The following AK3 variants were observed in gnomAD, a reference collection of about 807,000 sequenced individuals.
AK3 encodes GTP:AMP phosphotransferase AK3, mitochondrial.
AK3 carries 27 observed loss-of-function variants against 23.7 expected under a neutral mutation model. The observed-to-expected ratio is 1.14, with a 90% CI of 0.84 to 1.57. The LOEUF (loss-of-function observed/expected upper bound fraction) is 1.57. Ranked by LOEUF, AK3 falls within the 40% of genes most tolerant of loss-of-function variation. AK3 has a pLI of 0.00. For synonymous variants in AK3, 159 were observed against 116.0 expected, an observed-to-expected ratio of 1.37 and a Z score of -2.38; for missense variants, 406 against 285.6, an observed-to-expected ratio of 1.42 and a Z score of -3.04.
chr9:4,740,084 A>C (rs1487429555), intron 1 of AK3, among the ~76,000 whole-genome samples: 1 of 149,158 alleles, frequency 6.7e-6, no homozygotes, highest in East Asian at 1.9e-4. Flanking sequence ...AAAAGAAGGA[A>C]AACAAAAGAA....
chr9:4,739,845 T>G (rs1445915098), intron 1 of AK3, among the ~76,000 whole-genome samples: 1 of 151,756 alleles, frequency 6.6e-6, no homozygotes, highest in South Asian at 2.1e-4. Flanking sequence ...ACAGGAGAAT[T>G]GCTTGAACCC....
At position 4,718,407 on chromosome 9, in the gene AK3, G is replaced by A. The variant is rs1841794686; in HGVS notation, c.563+12C>T. The stretch of plus-strand genomic sequence containing the variant: ...CACTACGCAAGAGAAGTTCTGAAAA[G>A]CAAAAACTCACTGGTAATATTCCAG... On this transcript the variant is annotated intron_variant, in intron 4 of 4. Transcript: ENST00000381809. The A allele has an allele frequency of 6.2e-7, 1 of 1,602,112 alleles. No individual in the cohort carries two copies. The highest frequency in any genetic ancestry group is 8.5e-7 in the Non-Finnish European group (1 of 1,170,912).
intron 1 of AK3, among the ~76,000 whole-genome samples, chr9:4,739,758 C>T (rs1842380747): frequency 6.6e-6 from 1 of 151,866 alleles, no homozygotes; most frequent in African/African-American, 2.4e-5. Context: ...AGTGAAACCC[C>T]ATCGCTACTA....
chr9:4,732,059 C>T (rs1051291002), intron 1 of AK3, among the ~76,000 whole-genome samples: 1 of 152,176 alleles, frequency 6.6e-6, no homozygotes, highest in African/African-American at 2.4e-5. Context: ...AAGTGATCCT[C>T]CCACCTCAAC....
chr9:4,723,570 C>A (rs1463442894), intron 1 of AK3, among the ~76,000 whole-genome samples: 1 of 152,152 alleles, frequency 6.6e-6, no homozygotes, highest in African/African-American at 2.4e-5. Context: ...TGTTCCCTTA[C>A]CAAACTATTT....
At chr9:4,721,264 G>A (rs1841887765) in intron 2 of AK3, among the ~76,000 whole-genome samples, 1 of 151,804 alleles carries the variant, frequency 6.6e-6, no homozygotes, top group African/African-American at 2.4e-5. Flanking sequence ...TTAGCCACGT[G>A]TGCTGGTGGG....
intron 1 of AK3, 93 bp from the exon 2 acceptor site, chr9:4,722,718 T>A: frequency 6.5e-7 from 1 of 1,534,638 alleles, no homozygotes; most frequent in Non-Finnish European, 8.9e-7. Context: ...GAAGTCTGAA[T>A]GGCATACTCA....
At chr9:4,741,314 C>T (rs1278247173), upstream of AK3, 3 of 414,074 alleles carry the variant, frequency 7.2e-6, no homozygotes, top group Non-Finnish European at 1.2e-5. Context: ...CCCCCCGCCC[C>T]CGACCGAGCG....
chr9:4,740,884 G>A (rs1842413474), intron 1 of AK3, 53 bp downstream of exon 1: 1 of 1,435,414 alleles, frequency 7.0e-7, no homozygotes, highest in South Asian at 1.5e-5. Context: ...CCTCGCCCGC[G>A]AAGTCCGACC....
chr9:4,727,438 T>C (rs555688144), intron 1 of AK3, among the ~76,000 whole-genome samples: 28 of 152,354 alleles, frequency 1.8e-4, no homozygotes, highest in African/African-American at 6.3e-4. Context: ...TTTCCTGTTA[T>C]AGAGACGGCT....
rs935911469 is a variant in AK3, at chr9:4,712,799, T to C, written c.*177A>G. On this transcript the variant is annotated 3_prime_UTR_variant, in exon 5 of 5. Transcript: ENST00000381809. ...ACACTAGATGATTTCAAACGATGCA[T>C]CTTAGTATCCGAATCATTTGGCACA... The C allele has an allele frequency of 7.9e-6, 5 of 633,634 alleles. No homozygotes were observed. The highest frequency in any genetic ancestry group is 3.7e-5 in the African/African-American group (2 of 54,484). 39.3% of individuals were successfully genotyped at this position (633,634 alleles called of 1,614,324 possible). A position where few individuals can be genotyped will look rare whatever the true frequency, so the allele number is the denominator to read the frequency against.
chr9:4,730,890 A>T (rs1359671681), intron 1 of AK3, among the ~76,000 whole-genome samples: 1 of 152,124 alleles, frequency 6.6e-6, no homozygotes, highest in Non-Finnish European at 1.5e-5. Flanking sequence ...TTTAAATTGC[A>T]GTACTGAATG....
intron 1 of AK3, among the ~76,000 whole-genome samples, chr9:4,728,635 T>C (rs12685446): frequency 0.16 from 24,578 of 151,948 alleles, 2,643 homozygotes; most frequent in East Asian, 0.43. Context: ...CCTCATATAT[T>C]GCTGGTAGCA....
intron 1 of AK3, among the ~76,000 whole-genome samples, chr9:4,736,632 T>C (rs537654417): frequency 4.6e-5 from 7 of 152,026 alleles, no homozygotes; most frequent in African/African-American, 1.4e-4. Context: ...CCCCATCATA[T>C]AGATGAGAAT....
intron 4 of AK3, among the ~76,000 whole-genome samples, chr9:4,716,089 C>G (rs755847750): frequency 6.6e-6 from 1 of 152,148 alleles, no homozygotes; most frequent in Non-Finnish European, 1.5e-5. Context: ...GAGTGACTGA[C>G]GCCTGATGAT....
At chr9:4,718,142 A>C (rs896421300) in intron 4 of AK3, among the ~76,000 whole-genome samples, 1 of 152,212 alleles carries the variant, frequency 6.6e-6, no homozygotes, top group African/African-American at 2.4e-5. Context: ...TGTTCCTACA[A>C]ATGTCTGCTA....
intron 1 of AK3, among the ~76,000 whole-genome samples, chr9:4,731,297 T>C (rs781722584): frequency 2.6e-5 from 4 of 152,126 alleles, no homozygotes; most frequent in Admixed American, 1.3e-4. Context: ...AAGGCCCTAG[T>C]GTGAATTGTT....
Position 4,719,276 on chromosome 9 carries a change from G to A in AK3, c.303C>T (p.Ala101=). The A allele has an allele frequency of 6.3e-7, 1 of 1,583,004 alleles. No individual in the cohort carries two copies. Residue 101 remains alanine, a synonymous_variant, in exon 3 of 5, where the codon GCC becomes GCT. Coordinates refer to ENST00000381809, the MANE Select transcript of AK3 (RefSeq NM_016282.4). Reference sequence around the variant, plus strand: ...TGTCGATCTGATAAGCTCTATCTAGGGCTTCTGCCTGTGGAAGTGTCCTTG... The same window carrying A: ...TGTCGATCTGATAAGCTCTATCTAGAGCTTCTGCCTGTGGAAGTGTCCTTG... ...GFPRTLPQAE[A]LDRAYQIDTV... is the part of the protein sequence containing the mutation.
chr9:4,740,872 C>A, intron 1 of AK3, 65 bp downstream of exon 1: 1 of 1,406,240 alleles, frequency 7.1e-7, no homozygotes. Context: ...CCAGCTTCGG[C>A]CCCTCGCCCG....
Sources: gnomAD v4.1 joint callset for allele counts (sites outside exome capture counted in the v4.1 genomes callset) on GRCh38, gnomAD v4.1.1 for gene constraint, MANE v1.5 for transcripts, NCBI Gene and HGNC (gene_info 2026-07-23, HGNC 2026-07-21) for gene names.